The following RELN variants were observed in gnomAD, a reference collection of about 807,000 sequenced individuals.
RELN encodes the protein reelin.
A neutral mutation model predicts 427.6 loss-of-function variants in RELN; 108 were observed. That is an observed-to-expected ratio of 0.25 (90% CI 0.22 to 0.30). The LOEUF (loss-of-function observed/expected upper bound fraction) is 0.30, where lower values mean the gene tolerates loss of function less well. Among genes scored for constraint, RELN ranks in the 10% least tolerant of loss-of-function variants. The probability of loss-of-function intolerance (pLI) is 1.00; values close to 1 mark genes in which losing one functional copy is unlikely to be tolerated. For synonymous variants in RELN, 1,524 were observed against 1,513.4 expected (o/e 1.01, Z -0.16); for missense variants, 3,715 against 4,302.8 (o/e 0.86, Z 3.82).
intron 46 of RELN, among the ~76,000 whole-genome samples, chr7:103,530,808 C>T (rs1350349605): frequency 6.6e-6 from 1 of 152,200 alleles, no homozygotes; most frequent in African/African-American, 2.4e-5. Context: ...TTCTGGCTTT[C>T]ACTATCATCT....
intron 2 of RELN, among the ~76,000 whole-genome samples, chr7:103,908,629 T>C (rs569947692): frequency 1.5e-4 from 23 of 152,328 alleles, no homozygotes; most frequent in Non-Finnish European, 2.9e-4. Flanking sequence ...ATTAATTCAA[T>C]AGCTGTATAT....
chr7:103,572,885 A>G (rs895072099), intron 30 of RELN, among the ~76,000 whole-genome samples: 4 of 152,206 alleles, frequency 2.6e-5, no homozygotes, highest in Non-Finnish European at 4.4e-5. Context: ...TCTGGGATAC[A>G]TGTGCAGAAC....
At position 103,749,450 on chromosome 7, in the gene RELN, T is replaced by C. The variant is rs1790937631; in HGVS notation, c.632A>G (p.Gln211Arg). The change falls in exon 6 of 65, where the codon CAA (glutamine) becomes CGA (arginine). Residue 211 changes from glutamine to arginine, a missense_variant. By Grantham distance (43) the Gln-to-Arg change is conservative (BLOSUM62 1). Transcript: ENST00000428762. ...CCATATATTTGGATTTAATTGCAGT[T>C]GGTGGTAGGAGTCAAAGTCATCTCT... ...ILRDDFDSYH[Q>R]LQLNPNIWVE... 3.1e-6 allele frequency: 5 copies of C among 1,613,328 alleles called. 1 individual carries two copies. In the Middle Eastern group the frequency reaches 6.6e-4, roughly 213 times the overall value.
At chr7:103,562,326 G>C (rs1262031594) in intron 34 of RELN, among the ~76,000 whole-genome samples, 2 of 152,132 alleles carry the variant, frequency 1.3e-5, no homozygotes. Flanking sequence ...GGGATTGAAG[G>C]TGATAAACAT....
At chr7:103,855,490 C>T (rs1280400860) in intron 2 of RELN, among the ~76,000 whole-genome samples, 1 of 152,186 alleles carries the variant, frequency 6.6e-6, no homozygotes, top group Admixed American at 6.5e-5. Context: ...TGGAAGATCC[C>T]TGCAAGAGGC....
At chr7:103,580,988 A>G (rs1043661597) in intron 28 of RELN, among the ~76,000 whole-genome samples, 4 of 152,144 alleles carry the variant, frequency 2.6e-5, no homozygotes, top group Non-Finnish European at 1.5e-5. Context: ...GCAGTGGTGG[A>G]GGTGAAGAGT....
chr7:103,550,940 C>G, intron 41 of RELN, 127 bp downstream of exon 41: 1 of 776,048 alleles, frequency 1.3e-6, no homozygotes, highest in Non-Finnish European at 2.2e-6. Context: ...ATCCACTGAT[C>G]TGCTTGAGAA....
intron 1 of RELN, among the ~76,000 whole-genome samples, chr7:103,934,953 T>C (rs1795948221): frequency 6.6e-6 from 1 of 152,190 alleles, no homozygotes; most frequent in South Asian, 2.1e-4. Context: ...GACGTTTAAA[T>C]AGAACAACTA....
intron 3 of RELN, 96 bp from the exon 4 acceptor site, chr7:103,776,723 A>G (rs1791752363): frequency 8.4e-7 from 1 of 1,184,054 alleles, no homozygotes; most frequent in Non-Finnish European, 1.2e-6. Context: ...CTTAAACTTT[A>G]TTGTGTGGAT....
chr7:103,754,276 A>G lies in RELN; in HGVS notation c.545-1062T>C, dbSNP rs576448791. The stretch of plus-strand genomic sequence containing the variant: ...CTGTGTTAATAAAATACACTATTAA[A>G]TTAATTTCATCTATTTCTTTCCATT... On this transcript the variant is annotated intron_variant, in intron 4 of 64. Coordinates refer to ENST00000428762, the MANE Select transcript of RELN (RefSeq NM_005045.4). Among the ~76,000 whole-genome samples, 4 of 152,156 alleles carry G rather than the reference A, an allele frequency of 2.6e-5. No individual in the cohort carries two copies. In the South Asian group the frequency reaches 8.3e-4, roughly 32 times the overall value.
intron 11 of RELN, among the ~76,000 whole-genome samples, chr7:103,664,969 A>G (rs987355870): frequency 3.3e-5 from 5 of 152,000 alleles, no homozygotes; most frequent in African/African-American, 1.2e-4. Context: ...GAATTTATCT[A>G]TCTTTTCTCT....
In RELN at chr7:103,603,576, T is replaced by TA; in HGVS notation, c.3147-87dup. The TA allele has an allele frequency of 9.6e-7, 1 of 1,046,514 alleles. No homozygotes were observed. Among genetic ancestry groups the TA allele is most frequent in the Non-Finnish European group, 1.5e-6 (1 of 667,856 alleles). 64.8% of individuals were successfully genotyped at this position (1,046,514 alleles called of 1,614,324 possible). A position where few individuals can be genotyped will look rare whatever the true frequency, so the allele number is the denominator to read the frequency against. On this transcript the variant is annotated intron_variant, in intron 23 of 64. Transcript: ENST00000428762. The surrounding 1 kb of genome is among the most constrained non-coding windows in gnomAD (Gnocchi z 4.3). ...CTGACCTCAACCATTTCCCATGTCT[T>TA]ACTTTTGCTCAGGTCTTATCATTCA...
Position 103,603,587 on chromosome 7 carries a change from A to G in RELN, c.3147-97T>C. 3.2e-6 allele frequency: 3 copies of G among 925,394 alleles called. No individual in the cohort carries two copies. Among genetic ancestry groups the G allele is most frequent in the Non-Finnish European group, 5.3e-6 (3 of 563,742 alleles). The allele number at this position is 925,394 out of a possible 1,614,324, so 57.3% of individuals were successfully genotyped here. A position where few individuals can be genotyped will look rare whatever the true frequency, so the allele number is the denominator to read the frequency against. ...CATTTCCCATGTCTTACTTTTGCTC[A>G]GGTCTTATCATTCACACTAGATTCT... On this transcript the variant is annotated intron_variant, in intron 23 of 64. Coordinates refer to ENST00000428762, the MANE Select transcript of RELN (RefSeq NM_005045.4). This position sits in a 1 kb window ranked among gnomAD's most constrained non-coding sequence, Gnocchi z 4.3.
chr7:103,889,656 A>AG (rs1024480572), intron 2 of RELN, among the ~76,000 whole-genome samples: 1 of 152,120 alleles, frequency 6.6e-6, no homozygotes, highest in African/African-American at 2.4e-5. Context: ...AGATTGAGAA[A>AG]GGGGGGCAGG....
chr7:103,700,857 G>T, intron 9 of RELN, 53 bp downstream of exon 9: 4 of 1,104,574 alleles, frequency 3.6e-6, no homozygotes, highest in Non-Finnish European at 2.8e-6. Context: ...ATATAGGAGA[G>T]TAGAACTCCA....
intron 57 of RELN, among the ~76,000 whole-genome samples, chr7:103,493,165 G>T (rs1292818688): frequency 1.3e-5 from 2 of 152,192 alleles, no homozygotes; most frequent in African/African-American, 4.8e-5. Flanking sequence ...GAGAGATTGG[G>T]AGTGAAAAGA....
chr7:103,527,546 A>G (rs1165093283), intron 46 of RELN, among the ~76,000 whole-genome samples: 1 of 152,192 alleles, frequency 6.6e-6, no homozygotes, highest in Admixed American at 6.5e-5. Context: ...ACAGTTGTTA[A>G]GCTATGGGAG....
Position 103,840,082 on chromosome 7 carries a change from A to G in RELN, c.338-6410T>C, listed in dbSNP as rs112444070. 1.6e-3 allele frequency among the ~76,000 whole-genome samples: 251 copies of G among 152,292 alleles called. 1 individual carries two copies. The highest frequency in any genetic ancestry group is 5.8e-3 in the African/African-American group (243 of 41,558). The stretch of plus-strand genomic sequence containing the variant: ...CATCCACCATGATTGTAAGTTTCCC[A>G]AGGCCTCCCCAGGAGAAGCCTGCAC... On this transcript the variant is annotated intron_variant, in intron 2 of 64. Transcript: ENST00000428762.
At chr7:103,576,234 CA>C (rs556412851) in intron 28 of RELN, among the ~76,000 whole-genome samples, 12 of 149,508 alleles carry the variant, frequency 8.0e-5, no homozygotes, top group Non-Finnish European at 1.2e-4. Flanking sequence ...GACTCCGTCT[CA>C]AAAAAAAAAT....
Sources: allele counts gnomAD v4.1 joint callset (sites outside exome capture counted in the v4.1 genomes callset), GRCh38; gene constraint gnomAD v4.1.1; non-coding constraint Gnocchi (gnomAD v3.1); transcripts MANE v1.5; gene names NCBI Gene and HGNC (gene_info 2026-07-23, HGNC 2026-07-21).